CDK5RAP2: variants seen among roughly 807,000 people sequenced by gnomAD.
CDK5RAP2 encodes CDK5 regulatory subunit-associated protein 2.
In CDK5RAP2, 147 loss-of-function variants were observed where a neutral mutation model predicts 232.9. That is an observed-to-expected ratio of 0.63 (90% confidence interval 0.55 to 0.72). The LOEUF (loss-of-function observed/expected upper bound fraction) is 0.72. Among genes scored for constraint, CDK5RAP2 ranks in the 30% least tolerant of loss-of-function variants. The pLI is 0.00. For missense variants in CDK5RAP2, 2,195 were observed against 2,231.5 expected (o/e 0.98, Z 0.33); for synonymous variants, 833 against 833.7 (o/e 1.00, Z 0.01).
chr9:120,552,508 C>T (rs1321770887), intron 3 of CDK5RAP2, among the ~76,000 whole-genome samples: 1 of 152,048 alleles, frequency 6.6e-6, no homozygotes, highest in Non-Finnish European at 1.5e-5. Flanking sequence ...GAATACTATG[C>T]AGCCATAAAA....
chr9:120,472,493 C>CA (rs2131537040), intron 15 of CDK5RAP2, among the ~76,000 whole-genome samples: 1 of 151,904 alleles, frequency 6.6e-6, no homozygotes, highest in African/African-American at 2.4e-5. Context: ...TGTTACTCCT[C>CA]AAAAAAGTCA....
intron 3 of CDK5RAP2, among the ~76,000 whole-genome samples, chr9:120,565,308 C>A (rs996391732): frequency 1.3e-5 from 2 of 152,116 alleles, no homozygotes; most frequent in African/African-American, 4.8e-5. Context: ...CCCTTAGCTC[C>A]ACATTCCTCC....
chr9:120,463,042 A>G (rs937839028), intron 18 of CDK5RAP2, among the ~76,000 whole-genome samples: 1 of 152,184 alleles, frequency 6.6e-6, no homozygotes, highest in Non-Finnish European at 1.5e-5. Context: ...TCATAATAAA[A>G]TATTAGGAGA....
In CDK5RAP2 at chr9:120,439,608, A is replaced by G; in HGVS notation, c.3513T>C (p.Phe1171=). 1 of 1,614,164 alleles carries G rather than the reference A, an allele frequency of 6.2e-7. No individual in the cohort carries two copies. The highest frequency in any genetic ancestry group is 8.5e-7 in the Non-Finnish European group (1 of 1,180,032). ...CGTATCGCACTTGGTGCAAACTTGA[A>G]AAGGTCATTTCTTCCCCATCAGAAC... ...KNGSDGEEMT[F]SSLHQVRYVK... The change falls in exon 24 of 38, where the codon TTT becomes TTC. Residue 1171 remains phenylalanine, a synonymous_variant. Coordinates refer to ENST00000349780, the MANE Select transcript of CDK5RAP2 (RefSeq NM_018249.6).
At chr9:120,473,424 T>C (rs774646801) in intron 15 of CDK5RAP2, among the ~76,000 whole-genome samples, 4 of 152,202 alleles carry the variant, frequency 2.6e-5, no homozygotes, top group Non-Finnish European at 5.9e-5. Flanking sequence ...AGCCCCCGAA[T>C]GGTTAGAGGC....
chr9:120,535,101 A>G (rs1412075503), intron 7 of CDK5RAP2, among the ~76,000 whole-genome samples: 1 of 152,256 alleles, frequency 6.6e-6, no homozygotes, highest in African/African-American at 2.4e-5. Flanking sequence ...ACTGAGGTCC[A>G]TGGGGAACCC....
In CDK5RAP2 at chr9:120,543,042, G is replaced by C. The variant is rs1348105838; in HGVS notation, c.383+2672C>G. On this transcript the variant is annotated intron_variant, in intron 5 of 37. Transcript: ENST00000349780. ...GCATCCATGAACTGTGTTTGGAATA[G>C]AGTTGGTGGAGAGGAAGCTGGAGCA... 3.9e-5 allele frequency among the ~76,000 whole-genome samples: 6 copies of C among 152,226 alleles called. No homozygotes were observed. In the East Asian group the frequency reaches 9.6e-4, roughly 24 times the overall value.
intron 11 of CDK5RAP2, among the ~76,000 whole-genome samples, chr9:120,520,398 T>C (rs1374392101): frequency 6.6e-6 from 1 of 152,178 alleles, no homozygotes; most frequent in Non-Finnish European, 1.5e-5. Context: ...TCCCAGCACT[T>C]TGGGAGGCTG....
chr9:120,422,612 G>GC, intron 26 of CDK5RAP2, 81 bp downstream of exon 26: 2 of 1,081,186 alleles, frequency 1.8e-6, no homozygotes, highest in Non-Finnish European at 2.9e-6. Context: ...ATGGGAAGGA[G>GC]CCAAAATATT....
chr9:120,403,959 C>G lies in CDK5RAP2; in HGVS notation c.5041+77G>C, dbSNP rs1370846653. On this transcript the variant is annotated intron_variant, in intron 33 of 37. Coordinates refer to ENST00000349780, the MANE Select transcript of CDK5RAP2 (RefSeq NM_018249.6). This position sits in a 1 kb window ranked among gnomAD's most constrained non-coding sequence, Gnocchi z 4.2. ...TACCCTCCTGAGTTGGGACCAGGGA[C>G]CCCCCTTTTCTGCAAGTTAAAAAGT... is the stretch of plus-strand genomic sequence containing the variant. The G allele has an allele frequency of 1.2e-5, 12 of 968,702 alleles. No homozygotes were observed. Among genetic ancestry groups the G allele is most frequent in the Non-Finnish European group, 1.9e-5 (11 of 592,902 alleles). The allele number at this position is 968,702 out of a possible 1,614,324, so 60.0% of individuals were successfully genotyped here. A position where few individuals can be genotyped will look rare whatever the true frequency, so the allele number is the denominator to read the frequency against.
At chr9:120,496,635 G>A (rs1379981056) in intron 12 of CDK5RAP2, among the ~76,000 whole-genome samples, 68 of 146,696 alleles carry the variant, frequency 4.6e-4, no homozygotes, top group African/African-American at 1.7e-3. Flanking sequence ...CGCCCCTACT[G>A]GGAAGTGAGG....
In CDK5RAP2 at chr9:120,453,611, C is replaced by G; in HGVS notation, c.2638G>C (p.Gly880Arg). The stretch of plus-strand genomic sequence containing the variant: ...TCATGCTTGAATCTCAGCAGGTCGC[C>G]CTCCGTGGCCACAGTCTGCACTGAG... The part of the protein sequence containing the change: ...DASVQTVATE[G>R]DLLRFKHEAT... Residue 880 changes from glycine to arginine, a missense_variant, in exon 21 of 38, where the codon GGC becomes CGC. Transcript: ENST00000349780. 6.2e-7 allele frequency: 1 copy of G among 1,614,158 alleles called. No homozygotes were observed. The highest frequency in any genetic ancestry group is 1.1e-5 in the South Asian group (1 of 91,082).
Position 120,453,494 on chromosome 9 carries a change from G to A in CDK5RAP2, c.2755C>T (p.Gln919Ter), listed in dbSNP as rs907913625. The A allele has an allele frequency of 1.2e-6, 2 of 1,613,090 alleles. No individual in the cohort carries two copies. Among genetic ancestry groups the A allele is most frequent in the Admixed American group, 3.3e-5 (2 of 60,028 alleles). Residue 919 changes from glutamine to a stop codon, truncating the protein, a stop_gained, in exon 21 of 38, where the codon CAG becomes TAG. Transcript: ENST00000349780. LOFTEE classifies it high-confidence loss of function. ...PENLHGVPGW[Q>*]AALLSLPGIT... ...CCAGGGAGGGAAAGGAGGGCAGCCTGCCACCCAGGCACCCCGTGCAGGTTC... is the reference window on the plus strand; with the variant it reads ...CCAGGGAGGGAAAGGAGGGCAGCCTACCACCCAGGCACCCCGTGCAGGTTC...
intron 35 of CDK5RAP2, 97 bp downstream of exon 35, chr9:120,400,645 G>C (rs2032923361): frequency 1.4e-6 from 2 of 1,463,030 alleles, no homozygotes; most frequent in Non-Finnish European, 1.9e-6. Flanking sequence ...CCCAAATGGT[G>C]GGCACATCTG....
intron 26 of CDK5RAP2, among the ~76,000 whole-genome samples, chr9:120,420,921 G>GA (rs1268777034): frequency 6.6e-6 from 1 of 152,092 alleles, no homozygotes; most frequent in Non-Finnish European, 1.5e-5. Flanking sequence ...AGAACAGAAG[G>GA]AAAAAAACAA....
intron 36 of CDK5RAP2, among the ~76,000 whole-genome samples, chr9:120,393,775 C>T (rs2032211899): frequency 1.3e-5 from 2 of 152,214 alleles, no homozygotes; most frequent in African/African-American, 4.8e-5. Context: ...TTAACCTCAC[C>T]AACCCTGAGT....
At chr9:120,455,389 A>C (rs1426497459) in intron 20 of CDK5RAP2, among the ~76,000 whole-genome samples, 1 of 150,570 alleles carries the variant, frequency 6.6e-6, no homozygotes, top group African/African-American at 2.5e-5. Flanking sequence ...AAAAAAAAAA[A>C]ACGAAGGCCA....
chr9:120,528,059 G>A (rs2040985537), intron 9 of CDK5RAP2, 134 bp from the exon 10 acceptor site: 3 of 1,268,864 alleles, frequency 2.4e-6, no homozygotes, highest in African/African-American at 2.9e-5. Context: ...ATGTTTCCAA[G>A]TGGAGCTGAA....
In CDK5RAP2 at chr9:120,389,174, G is replaced by T; in HGVS notation, c.*62C>A. 1.5e-6 allele frequency: 2 copies of T among 1,363,368 alleles called. No individual in the cohort carries two copies. Among genetic ancestry groups the T allele is most frequent in the Non-Finnish European group, 2.1e-6 (2 of 961,806 alleles). 84.5% of individuals were successfully genotyped at this position (1,363,368 alleles called of 1,614,324 possible). ...CCTCAATAAATAGGAACCACACTTG[G>T]AACAAAGAGACAGCGTGAGCTCGGT... On this transcript the variant is annotated 3_prime_UTR_variant, in exon 38 of 38. Transcript: ENST00000349780.
Sources: gnomAD v4.1 joint callset for allele counts (sites outside exome capture counted in the v4.1 genomes callset) on GRCh38, gnomAD v4.1.1 for gene constraint, Gnocchi (gnomAD v3.1) non-coding constraint, MANE v1.5 for transcripts, NCBI Gene and HGNC (gene_info 2026-07-23, HGNC 2026-07-21) for gene names.